Variants in GYG2 observed in about 807,000 individuals in gnomAD.
GYG2 encodes glycogenin 2, also known as glycogenin-2.
Under a neutral mutation model 29.4 loss-of-function variants are expected in GYG2, and 29 were observed. The ratio of observed to expected loss-of-function variants is 0.99; its 90% CI spans 0.74 to 1.35. The LOEUF (loss-of-function observed/expected upper bound fraction) is 1.35. Ranked by LOEUF, GYG2 falls within the 40% of genes most tolerant of loss-of-function variation. The pLI is 0.00. For missense variants in GYG2, 370 were observed against 385.7 expected (o/e 0.96, Z 0.34); for synonymous variants, 167 against 172.3 (o/e 0.97, Z 0.24).
At chrX:2,876,033 C>CTTTTTTTTTTT (rs59937896) in intron 9 of GYG2, 119 bp downstream of exon 9, 1 of 138,042 alleles carries the variant, frequency 7.2e-6, no homozygotes, top group Non-Finnish European at 1.2e-5. Flanking sequence ...AAATTCCTCC[C>CTTTTTTTTTTT]TTTTTTTTTT....
At chrX:2,846,068 T>TA (rs2087728084) in intron 3 of GYG2, among the ~76,000 whole-genome samples, 1 of 22,023 alleles carries the variant, frequency 4.5e-5, no homozygotes, top group Non-Finnish European at 8.3e-5. Flanking sequence ...TTTTTTTTTT[T>TA]TTTTTTTTTT....
chrX:2,855,525 T>C lies in GYG2; in HGVS notation c.487+370T>C, dbSNP rs148662209. On this transcript the variant is annotated intron_variant, in intron 5 of 10. Transcript: ENST00000398806. The stretch of plus-strand genomic sequence containing the variant: ...AGTGAAAATACAGTATAAAATCTTA[T>C]GGGACCACCGTCAGATGTATGGTCT... 6.6e-3 allele frequency among the ~76,000 whole-genome samples: 738 copies of C among 112,110 alleles called. 9 individuals carry two copies. The highest frequency in any genetic ancestry group is 0.023 in the African/African-American group (698 of 30,863).
intron 8 of GYG2, among the ~76,000 whole-genome samples, chrX:2,873,774 T>C (rs1322674699): frequency 2.7e-5 from 3 of 111,523 alleles, no homozygotes; most frequent in African/African-American, 9.8e-5. Flanking sequence ...TGTTCCACTC[T>C]ATTCTTCTGT....
At chrX:2,859,342 A>C (rs760353965) in intron 6 of GYG2, among the ~76,000 whole-genome samples, 1 of 110,696 alleles carries the variant, frequency 9.0e-6, no homozygotes, top group Non-Finnish European at 1.9e-5. Context: ...TAGTAGTAGT[A>C]TGTTACTATT....
chrX:2,832,860 A>G (rs185544650), intron 2 of GYG2, among the ~76,000 whole-genome samples: 395 of 112,111 alleles, frequency 3.5e-3, no homozygotes, highest in Non-Finnish European at 4.2e-3. Context: ...TAAGGACACC[A>G]ATCCTATTGG....
At chrX:2,845,056 C>T (rs868544275) in intron 3 of GYG2, among the ~76,000 whole-genome samples, 1 of 56,207 alleles carries the variant, frequency 1.8e-5, no homozygotes, top group Non-Finnish European at 3.6e-5. Flanking sequence ...TGTATATATA[C>T]ACGTGTGTAT....
chrX:2,861,407 T>C (rs2088161875), intron 7 of GYG2, 115 bp from the exon 8 acceptor site: 3 of 534,476 alleles, frequency 5.6e-6, no homozygotes, highest in Non-Finnish European at 6.5e-6. Flanking sequence ...TATTTAATGA[T>C]TGGCAGATGG....
At chrX:2,861,790 C>G in intron 8 of GYG2, 68 bp downstream of exon 8, 1 of 870,977 alleles carries the variant, frequency 1.1e-6, no homozygotes, top group Non-Finnish European at 1.6e-6. Flanking sequence ...GCAGAGAGAG[C>G]CGGCTTCCCT....
At chrX:2,863,047 G>A (rs749946975) in intron 8 of GYG2, among the ~76,000 whole-genome samples, 2 of 104,864 alleles carry the variant, frequency 1.9e-5, no homozygotes, top group Admixed American at 1.0e-4. Flanking sequence ...GTGACAGAGC[G>A]AGACACTGTC....
At chrX:2,835,440 G>T (rs761378792) in intron 2 of GYG2, among the ~76,000 whole-genome samples, 2 of 112,067 alleles carry the variant, frequency 1.8e-5, no homozygotes, top group South Asian at 7.5e-4. Flanking sequence ...TAGTTGCGAG[G>T]CCTAGAATTT....
At chrX:2,869,308 T>G (rs756083874) in intron 8 of GYG2, among the ~76,000 whole-genome samples, 8 of 111,908 alleles carry the variant, frequency 7.1e-5, no homozygotes, top group Non-Finnish European at 1.3e-4. Flanking sequence ...GCAAAGACAG[T>G]TCCATCTTGT....
At chrX:2,856,711 T>C (rs1427758624) in intron 6 of GYG2, 87 bp downstream of exon 6, 2 of 726,514 alleles carry the variant, frequency 2.8e-6, no homozygotes, top group South Asian at 2.6e-5. Flanking sequence ...TGTCGGCATA[T>C]TTAAAAACTC....
At chrX:2,852,699 C>G (rs2087896578) in intron 3 of GYG2, 1 of 111,959 alleles carries the variant, frequency 8.9e-6, no homozygotes, top group African/African-American at 3.2e-5. Flanking sequence ...TTCCTAAGAG[C>G]TGGCCCAAGT....
chrX:2,871,232 A>C (rs2088460888), intron 8 of GYG2, among the ~76,000 whole-genome samples: 1 of 109,742 alleles, frequency 9.1e-6, no homozygotes, highest in East Asian at 2.9e-4. Context: ...TCAGCCTCCT[A>C]GCACTGCTGG....
intron 2 of GYG2, among the ~76,000 whole-genome samples, chrX:2,837,862 C>T (rs868035233): frequency 2.3e-5 from 2 of 86,524 alleles, no homozygotes; most frequent in South Asian, 5.6e-4. Flanking sequence ...CACACACACA[C>T]ACACACATAC....
chrX:2,867,470 C>T (rs916395688), intron 8 of GYG2, among the ~76,000 whole-genome samples: 37 of 111,393 alleles, frequency 3.3e-4, no homozygotes, highest in African/African-American at 1.2e-3. Context: ...GCCCTGCAAG[C>T]GGCCCCAGGC....
chrX:2,863,852 C>A (rs776854664), intron 8 of GYG2, among the ~76,000 whole-genome samples: 8 of 111,601 alleles, frequency 7.2e-5, no homozygotes, highest in Non-Finnish European at 1.3e-4. Flanking sequence ...TGAAGAATTC[C>A]ATCAGTGGAG....
intron 8 of GYG2, among the ~76,000 whole-genome samples, chrX:2,871,055 G>A (rs1334613492): frequency 9.1e-6 from 1 of 109,842 alleles, no homozygotes; most frequent in Non-Finnish European, 1.9e-5. Flanking sequence ...ATACCCTGAG[G>A]TAGTTTGCCC....
At chrX:2,848,170 T>TC (rs2087784656) in intron 3 of GYG2, among the ~76,000 whole-genome samples, 1 of 111,710 alleles carries the variant, frequency 9.0e-6, no homozygotes, top group Admixed American at 9.6e-5. Flanking sequence ...TGAAAACACT[T>TC]TAGGGGTTTG....
Sources: allele counts gnomAD v4.1 joint callset (sites outside exome capture counted in the v4.1 genomes callset), GRCh38; gene constraint gnomAD v4.1.1; transcripts MANE v1.5; gene names NCBI Gene and HGNC (gene_info 2026-07-23, HGNC 2026-07-21).